The following RBMS3 variants were observed in gnomAD, a reference collection of about 807,000 sequenced individuals.
RBMS3 encodes RNA-binding motif, single-stranded-interacting protein 3.
Under a neutral mutation model 66.8 loss-of-function variants are expected in RBMS3, and 27 were observed. That is an observed-to-expected ratio of 0.40 (90% CI 0.30 to 0.56). The LOEUF is 0.56. Among genes scored for constraint, RBMS3 ranks in the 20% least tolerant of loss-of-function variants. RBMS3 has a pLI of 0.40. For synonymous variants in RBMS3, 188 were observed against 183.0 expected (o/e 1.03, Z -0.22); for missense variants, 513 against 549.5 (o/e 0.93, Z 0.66).
intron 3 of RBMS3, among the ~76,000 whole-genome samples, chr3:29,527,429 C>G (rs1032541375): frequency 6.6e-6 from 1 of 152,100 alleles, no homozygotes; most frequent in East Asian, 1.9e-4. Flanking sequence ...AGCAGTTGGC[C>G]GGAACTCAGA....
At chr3:29,832,281 C>G (rs1008782850) in intron 6 of RBMS3, among the ~76,000 whole-genome samples, 6 of 152,134 alleles carry the variant, frequency 3.9e-5, no homozygotes, top group Non-Finnish European at 7.3e-5. Flanking sequence ...AACTCTTTCT[C>G]TTATACCAAA....
chr3:29,744,502 G>A (rs983668367), intron 5 of RBMS3, among the ~76,000 whole-genome samples: 18 of 152,068 alleles, frequency 1.2e-4, no homozygotes, highest in East Asian at 3.9e-4. Flanking sequence ...AGAATATGCC[G>A]GCTGGGCGCG....
At chr3:29,544,750 G>T (rs2045885909) in intron 3 of RBMS3, among the ~76,000 whole-genome samples, 1 of 151,084 alleles carries the variant, frequency 6.6e-6, no homozygotes, top group Admixed American at 6.6e-5. Flanking sequence ...ACAAAAGAAT[G>T]GTCTGTATTA....
intron 3 of RBMS3, among the ~76,000 whole-genome samples, chr3:29,562,991 A>C (rs1261051136): frequency 1.3e-5 from 2 of 152,216 alleles, no homozygotes; most frequent in East Asian, 3.8e-4. Flanking sequence ...ATAGAAGGAA[A>C]AAAAAGGCAG....
intron 6 of RBMS3, among the ~76,000 whole-genome samples, chr3:29,849,179 TG>T (rs1324620726): frequency 3.3e-5 from 5 of 150,448 alleles, no homozygotes; most frequent in Non-Finnish European, 5.9e-5. Flanking sequence ...AATGTGTGTG[TG>T]TGTGTGTGTG....
chr3:29,828,223 C>G (rs1235359029), intron 6 of RBMS3, among the ~76,000 whole-genome samples: 2 of 152,120 alleles, frequency 1.3e-5, no homozygotes, highest in Non-Finnish European at 2.9e-5. Flanking sequence ...CCAAGGAGCC[C>G]TGAGTTGCCA....
chr3:29,593,085 A>C (rs2047812027), intron 4 of RBMS3, among the ~76,000 whole-genome samples: 1 of 152,124 alleles, frequency 6.6e-6, no homozygotes, highest in East Asian at 1.9e-4. Context: ...TAATGGGTGC[A>C]ACACACGAAC....
chr3:29,957,803 C>T (rs1696139585), intron 12 of RBMS3, among the ~76,000 whole-genome samples: 1 of 152,120 alleles, frequency 6.6e-6, no homozygotes, highest in South Asian at 2.1e-4. Flanking sequence ...CGCCAAGATA[C>T]CTCACACGTA....
At chr3:29,374,569 G>A (rs1337646063) in intron 1 of RBMS3, among the ~76,000 whole-genome samples, 9 of 152,274 alleles carry the variant, frequency 5.9e-5, no homozygotes, top group African/African-American at 2.2e-4. Flanking sequence ...TTATCAGATA[G>A]GCTTTGTGTT....
intron 1 of RBMS3, among the ~76,000 whole-genome samples, chr3:29,378,499 CAAA>C (rs1553641762): frequency 0.075 from 396 of 5,288 alleles, no homozygotes; most frequent in Non-Finnish European, 0.17. Flanking sequence ...AAAAAAAAAA[CAAA>C]AAACAACTGT....
At position 29,622,454 on chromosome 3, in the gene RBMS3, TA is replaced by T. The variant is rs1283259630; in HGVS notation, c.399+35250del. Among the ~76,000 whole-genome samples the T allele has an allele frequency of 8.5e-5, 13 of 152,326 alleles. No homozygotes were observed. In the East Asian group the frequency reaches 2.3e-3, roughly 27 times the overall value. ...AGTTTTTATAATATGAATCTAAATA[TA>T]GTTTATAAAATAAATGCATGAAGAC... On this transcript the variant is annotated intron_variant, in intron 4 of 14. Coordinates refer to ENST00000383767, the MANE Select transcript of RBMS3 (RefSeq NM_001003793.3).
At chr3:29,915,001 C>T (rs1483293628) in intron 10 of RBMS3, among the ~76,000 whole-genome samples, 1 of 151,766 alleles carries the variant, frequency 6.6e-6, no homozygotes, top group Non-Finnish European at 1.5e-5. Context: ...AAACCTTTGC[C>T]AAGCCTATAA....
At chr3:29,559,531 AAAAAAAAAAAAAAAAAAAAAAAC>A (rs2046474726) in intron 3 of RBMS3, among the ~76,000 whole-genome samples, 8 of 104,950 alleles carry the variant, frequency 7.6e-5, no homozygotes, top group Non-Finnish European at 1.3e-4. Flanking sequence ...AAAAAAAAAA[AAAAAAAAAAAAAAAAAAAAAAAC>A]CTGACTATTC....
intron 3 of RBMS3, among the ~76,000 whole-genome samples, chr3:29,549,810 G>T (rs891521988): frequency 6.6e-6 from 1 of 152,020 alleles, no homozygotes; most frequent in African/African-American, 2.4e-5. Flanking sequence ...TCTAATATAT[G>T]GTTCTTGGAC....
intron 3 of RBMS3, among the ~76,000 whole-genome samples, chr3:29,517,319 A>ATTT (rs140882570): frequency 1.5e-5 from 2 of 129,460 alleles, no homozygotes; most frequent in South Asian, 2.4e-4. Flanking sequence ...ATATATATAT[A>ATTT]TTTTTTTTTT....
intron 2 of RBMS3, among the ~76,000 whole-genome samples, chr3:29,446,957 C>T (rs560712525): frequency 8.6e-4 from 120 of 140,230 alleles, no homozygotes; most frequent in African/African-American, 3.1e-3. Context: ...TCTTGTTGCC[C>T]AGGCTGGAGT....
intron 1 of RBMS3, among the ~76,000 whole-genome samples, chr3:29,370,566 T>G (rs975765673): frequency 7.2e-5 from 11 of 152,210 alleles, no homozygotes; most frequent in African/African-American, 2.7e-4. Flanking sequence ...CTCATCCACT[T>G]GTGAGACTCT....
At chr3:29,903,863 A>C (rs1375578019) in intron 10 of RBMS3, among the ~76,000 whole-genome samples, 1 of 151,988 alleles carries the variant, frequency 6.6e-6, no homozygotes, top group Non-Finnish European at 1.5e-5. Context: ...AAAAAGTTGC[A>C]AGCAAATAAA....
At chr3:29,506,943 A>G (rs1576047487) in intron 3 of RBMS3, among the ~76,000 whole-genome samples, 1 of 146,038 alleles carries the variant, frequency 6.8e-6, no homozygotes, top group South Asian at 2.2e-4. Flanking sequence ...TTCATTTCTG[A>G]TATTATTTGA....
Sources: allele counts gnomAD v4.1 joint callset (sites outside exome capture counted in the v4.1 genomes callset), GRCh38; gene constraint gnomAD v4.1.1; transcripts MANE v1.5; gene names NCBI Gene and HGNC (gene_info 2026-07-23, HGNC 2026-07-21).